NR3C2: variants seen among roughly 807,000 people sequenced by gnomAD.
The protein encoded by NR3C2 is mineralocorticoid receptor.
Under a neutral mutation model 86.4 loss-of-function variants are expected in NR3C2, and 15 were observed. The ratio of observed to expected loss-of-function variants is 0.17; its 90% confidence interval spans 0.12 to 0.27. The LOEUF (loss-of-function observed/expected upper bound fraction) is 0.27. Ranked by LOEUF, NR3C2 falls within the 10% of genes least tolerant of loss-of-function variation. The probability of loss-of-function intolerance (pLI) is 1.00; values close to 1 mark genes in which losing one functional copy is unlikely to be tolerated. For missense variants in NR3C2, 960 were observed against 1,195.6 expected, an observed-to-expected ratio of 0.80 and a Z score of 2.91; for synonymous variants, 458 against 450.5, an observed-to-expected ratio of 1.02 and a Z score of -0.21.
At chr4:148,337,934 C>T (rs138501957) in intron 2 of NR3C2, among the ~76,000 whole-genome samples, 5 of 152,252 alleles carry the variant, frequency 3.3e-5, no homozygotes, top group Non-Finnish European at 7.4e-5. Flanking sequence ...CTCATAAAAA[C>T]AGAAAACCTG....
chr4:148,083,697 T>C (rs569868942), intron 8 of NR3C2, among the ~76,000 whole-genome samples: 21 of 152,052 alleles, frequency 1.4e-4, no homozygotes, highest in African/African-American at 3.9e-4. Flanking sequence ...GTTTCACGAA[T>C]TGACAGAAGT....
At chr4:148,433,938 T>C (rs1034128913) in intron 2 of NR3C2, among the ~76,000 whole-genome samples, 2 of 152,188 alleles carry the variant, frequency 1.3e-5, no homozygotes, top group Non-Finnish European at 2.9e-5. Context: ...AAATGTATCC[T>C]TTATGAAATG....
intron 2 of NR3C2, among the ~76,000 whole-genome samples, chr4:148,356,896 C>T (rs904756075): frequency 1.6e-5 from 2 of 127,510 alleles, no homozygotes; most frequent in African/African-American, 3.0e-5. Context: ...ACACTAAGCA[C>T]GACTGTGTGT....
intron 3 of NR3C2, among the ~76,000 whole-genome samples, chr4:148,243,844 T>C (rs756167743): frequency 2.6e-5 from 4 of 152,186 alleles, no homozygotes; most frequent in African/African-American, 4.8e-5. Context: ...ATGCCAAGTA[T>C]GGCTTTGGTA....
intron 2 of NR3C2, among the ~76,000 whole-genome samples, chr4:148,318,320 A>C (rs13114315): frequency 0.28 from 42,297 of 151,546 alleles, 7,301 homozygotes; most frequent in East Asian, 0.54. Context: ...ATTGTGAATA[A>C]TGCCGCAATA....
chr4:148,309,184 GAAGA>G (rs1293229948), intron 2 of NR3C2, among the ~76,000 whole-genome samples: 1 of 152,038 alleles, frequency 6.6e-6, no homozygotes, highest in Non-Finnish European at 1.5e-5. Context: ...TAAAGAAAAA[GAAGA>G]AAGAATAAGA....
chr4:148,332,580 A>G (rs563179370), intron 2 of NR3C2, among the ~76,000 whole-genome samples: 1 of 152,296 alleles, frequency 6.6e-6, no homozygotes, highest in African/African-American at 2.4e-5. Context: ...TCCGTACCAA[A>G]ATGGCTACCA....
intron 1 of NR3C2, among the ~76,000 whole-genome samples, chr4:148,438,155 T>C (rs1374519369): frequency 6.6e-6 from 1 of 152,218 alleles, no homozygotes; most frequent in Admixed American, 6.5e-5. Flanking sequence ...TCTTGGCACA[T>C]TGACATTTTG....
At chr4:148,366,374 C>T (rs1020257785) in intron 2 of NR3C2, among the ~76,000 whole-genome samples, 9 of 3,678 alleles carry the variant, frequency 2.4e-3, no homozygotes, top group African/African-American at 5.2e-3. Context: ...CCAAGCATAC[C>T]AAGGTACCCC....
chr4:148,336,511 A>G (rs564410432), intron 2 of NR3C2, among the ~76,000 whole-genome samples: 2 of 152,240 alleles, frequency 1.3e-5, no homozygotes, highest in South Asian at 4.1e-4. Context: ...CGGCTTGGAC[A>G]ATGGGGACTT....
intron 2 of NR3C2, among the ~76,000 whole-genome samples, chr4:148,275,175 T>G (rs980448038): frequency 1.3e-5 from 2 of 152,222 alleles, no homozygotes; most frequent in African/African-American, 4.8e-5. Flanking sequence ...TATGACACAG[T>G]TGCAAAGGGT....
intron 6 of NR3C2, among the ~76,000 whole-genome samples, chr4:148,137,842 T>C (rs534715281): frequency 6.6e-6 from 1 of 152,304 alleles, no homozygotes; most frequent in African/African-American, 2.4e-5. Flanking sequence ...GAAGAGAGAA[T>C]GCCATATTAA....
intron 3 of NR3C2, among the ~76,000 whole-genome samples, chr4:148,216,061 T>C (rs1737519802): frequency 6.6e-6 from 1 of 152,166 alleles, no homozygotes. Flanking sequence ...GTGTGAGACA[T>C]AGTTTCTGTC....
At chr4:148,101,405 G>A (rs989176831) in intron 8 of NR3C2, among the ~76,000 whole-genome samples, 9 of 152,174 alleles carry the variant, frequency 5.9e-5, no homozygotes, top group African/African-American at 1.9e-4. Context: ...GATCAAGCAC[G>A]AAAGACTGAA....
At chr4:148,353,384 C>T (rs1248527085) in intron 2 of NR3C2, among the ~76,000 whole-genome samples, 1 of 151,924 alleles carries the variant, frequency 6.6e-6, no homozygotes, top group East Asian at 1.9e-4. Flanking sequence ...CATAAGAAAC[C>T]ACCTAATAAT....
At chr4:148,238,138 C>G (rs1017957313) in intron 3 of NR3C2, among the ~76,000 whole-genome samples, 1 of 152,092 alleles carries the variant, frequency 6.6e-6, no homozygotes, top group East Asian at 1.9e-4. Context: ...TTCAGGCATC[C>G]TCGCTTAAGA....
At chr4:148,444,009 C>T (rs1329757940), upstream of NR3C2, 2 of 985,296 alleles carry the variant, frequency 2.0e-6, no homozygotes, top group African/African-American at 3.5e-5. Context: ...CCCGGCGTCC[C>T]CGCAGCCAGG....
At chr4:148,265,162 A>G (rs1472275844) in intron 2 of NR3C2, among the ~76,000 whole-genome samples, 3 of 152,222 alleles carry the variant, frequency 2.0e-5, no homozygotes, top group Non-Finnish European at 1.5e-5. Context: ...CCATTTGTAA[A>G]GACAGTATTT....
intron 3 of NR3C2, among the ~76,000 whole-genome samples, chr4:148,212,486 G>C (rs1737331241): frequency 6.6e-6 from 1 of 152,156 alleles, no homozygotes; most frequent in Non-Finnish European, 1.5e-5. Flanking sequence ...TCTCAGCTGA[G>C]GACTAATCTT....
Sources: allele counts gnomAD v4.1 joint callset (sites outside exome capture counted in the v4.1 genomes callset), GRCh38; gene constraint gnomAD v4.1.1; transcripts MANE v1.5; gene names NCBI Gene and HGNC (gene_info 2026-07-23, HGNC 2026-07-21).